Variants in RERE observed in about 807,000 individuals in gnomAD.
RERE encodes arginine-glutamic acid dipeptide repeats.
In RERE, 40 loss-of-function variants were observed where a neutral mutation model predicts 146.1. That is an observed-to-expected ratio of 0.27 (90% CI 0.21 to 0.36). RERE has a LOEUF of 0.36. RERE is among the 10% of genes least tolerant of loss of function. The probability of loss-of-function intolerance (pLI) is 1.00; values close to 1 mark genes in which losing one functional copy is unlikely to be tolerated. For synonymous variants in RERE, 1,003 were observed against 866.0 expected, an observed-to-expected ratio of 1.16 and a Z score of -2.78; for missense variants, 1,933 against 2,138.7, an observed-to-expected ratio of 0.90 and a Z score of 1.90.
chr1:8,570,036 T>C (rs1646200307), intron 4 of RERE, among the ~76,000 whole-genome samples: 1 of 152,160 alleles, frequency 6.6e-6, no homozygotes, highest in South Asian at 2.1e-4. Context: ...ACTTACTGTA[T>C]TTAAAAATAA....
chr1:8,477,783 G>A (rs1022676604), intron 10 of RERE, among the ~76,000 whole-genome samples: 1 of 152,170 alleles, frequency 6.6e-6, no homozygotes, highest in Non-Finnish European at 1.5e-5. Context: ...GAATCTCAGT[G>A]CTTTGTGATG....
intron 11 of RERE, among the ~76,000 whole-genome samples, chr1:8,450,414 T>A (rs1228259262): frequency 6.6e-6 from 1 of 150,518 alleles, no homozygotes; most frequent in Non-Finnish European, 1.5e-5. Flanking sequence ...TCCCTCTCCA[T>A]GGGACCTAAA....
intron 1 of RERE, among the ~76,000 whole-genome samples, chr1:8,813,772 G>A (rs1641859966): frequency 6.6e-6 from 1 of 151,916 alleles, no homozygotes; most frequent in Non-Finnish European, 1.5e-5. Flanking sequence ...GCGCCAAAGT[G>A]CCAGGCTAAT....
At chr1:8,577,734 C>T (rs189029307) in intron 4 of RERE, among the ~76,000 whole-genome samples, 40 of 152,276 alleles carry the variant, frequency 2.6e-4, no homozygotes, top group African/African-American at 8.7e-4. Flanking sequence ...GCCCTAGAAT[C>T]AAAATAGCTT....
At chr1:8,605,438 A>G (rs777233130) in intron 4 of RERE, among the ~76,000 whole-genome samples, 15 of 151,980 alleles carry the variant, frequency 9.9e-5, no homozygotes, top group South Asian at 2.1e-4. Flanking sequence ...GGCCTTCCCA[A>G]CTTACTTTAA....
intron 4 of RERE, among the ~76,000 whole-genome samples, chr1:8,575,382 C>T (rs1237871735): frequency 1.4e-5 from 2 of 144,746 alleles, no homozygotes; most frequent in Non-Finnish European, 3.0e-5. Context: ...AAAAAAGTAA[C>T]CTTTTTTTTT....
chr1:8,475,994 G>A (rs1644751386), intron 10 of RERE, among the ~76,000 whole-genome samples: 1 of 152,316 alleles, frequency 6.6e-6, no homozygotes, highest in African/African-American at 2.4e-5. Context: ...TGAGAGAAAG[G>A]TCTAGTTAAT....
intron 7 of RERE, among the ~76,000 whole-genome samples, chr1:8,524,531 A>G (rs1014398583): frequency 3.3e-5 from 5 of 152,148 alleles, no homozygotes; most frequent in African/African-American, 9.7e-5. Context: ...TCTCCTTCCT[A>G]TGAGGGTTTT....
intron 1 of RERE, among the ~76,000 whole-genome samples, chr1:8,805,675 A>C (rs1641676932): frequency 6.6e-6 from 1 of 150,928 alleles, no homozygotes; most frequent in Admixed American, 6.6e-5. Flanking sequence ...ACAAAAACAA[A>C]AATTAGTCAG....
At chr1:8,685,293 G>A (rs985052374) in intron 1 of RERE, among the ~76,000 whole-genome samples, 2 of 152,020 alleles carry the variant, frequency 1.3e-5, no homozygotes, top group Admixed American at 1.3e-4. Flanking sequence ...GCTAAATAAC[G>A]GTAAGTAAAA....
At chr1:8,782,602 T>C (rs1269851811) in intron 1 of RERE, among the ~76,000 whole-genome samples, 1 of 152,166 alleles carries the variant, frequency 6.6e-6, no homozygotes, top group Non-Finnish European at 1.5e-5. Context: ...TTAACCTTGG[T>C]GTGTCCAAAG....
rs372853432 is a variant in RERE, at chr1:8,655,958, C to T, written c.325+15G>A. ...ACTGTAAACATTGGCAAGACCCAAACGTAAGGCTCCTTACCTCCTGGTCTG... is the reference window on the plus strand; with the variant it reads ...ACTGTAAACATTGGCAAGACCCAAATGTAAGGCTCCTTACCTCCTGGTCTG... On this transcript the variant is annotated intron_variant, in intron 2 of 22. Transcript: ENST00000400908. 1.2e-5 allele frequency: 20 copies of T among 1,608,924 alleles called. No individual in the cohort carries two copies. Among genetic ancestry groups the T allele is most frequent in the Middle Eastern group, 1.6e-4 (1 of 6,062 alleles).
intron 10 of RERE, among the ~76,000 whole-genome samples, chr1:8,486,684 A>G (rs1260633097): frequency 3.3e-5 from 5 of 151,520 alleles, no homozygotes; most frequent in African/African-American, 9.7e-5. Flanking sequence ...AAAGAGATCA[A>G]TAATGTTGAA....
intron 10 of RERE, among the ~76,000 whole-genome samples, chr1:8,467,092 A>G (rs1483508061): frequency 6.6e-6 from 1 of 152,142 alleles, no homozygotes; most frequent in Admixed American, 6.5e-5. Flanking sequence ...CTCCAGAAAA[A>G]CTTGCTAACT....
At chr1:8,810,494 TACTC>T (rs1210205565) in intron 1 of RERE, among the ~76,000 whole-genome samples, 2 of 152,160 alleles carry the variant, frequency 1.3e-5, no homozygotes, top group Non-Finnish European at 2.9e-5. Flanking sequence ...TGGTCCCAGC[TACTC>T]AGGTGGCTGA....
intron 12 of RERE, among the ~76,000 whole-genome samples, chr1:8,382,736 T>C (rs908946447): frequency 2.6e-5 from 4 of 152,110 alleles, no homozygotes; most frequent in Admixed American, 2.6e-4. Flanking sequence ...CCCTAACCTC[T>C]CTTGGCCTCT....
At chr1:8,400,345 T>C (rs577696005) in intron 12 of RERE, among the ~76,000 whole-genome samples, 8 of 151,914 alleles carry the variant, frequency 5.3e-5, no homozygotes, top group African/African-American at 1.7e-4. Flanking sequence ...CTTGAACCCC[T>C]GGGCTCAAGC....
chr1:8,693,810 T>C (rs1639261445), intron 1 of RERE, among the ~76,000 whole-genome samples: 1 of 152,068 alleles, frequency 6.6e-6, no homozygotes, highest in African/African-American at 2.4e-5. Flanking sequence ...TAATTCAAGA[T>C]GTTAATAGGG....
At chr1:8,771,818 G>T (rs1305517245) in intron 1 of RERE, among the ~76,000 whole-genome samples, 1 of 149,222 alleles carries the variant, frequency 6.7e-6, no homozygotes, top group South Asian at 2.1e-4. Context: ...GCAGAGGCAG[G>T]AGAATGGCAT....
Sources: gnomAD v4.1 joint callset for allele counts (sites outside exome capture counted in the v4.1 genomes callset) on GRCh38, gnomAD v4.1.1 for gene constraint, MANE v1.5 for transcripts, NCBI Gene and HGNC (gene_info 2026-07-23, HGNC 2026-07-21) for gene names.